The following TGM4 variants were observed in gnomAD, a reference collection of about 807,000 sequenced individuals.
TGM4 encodes protein-glutamine gamma-glutamyltransferase 4.
A neutral mutation model predicts 76.3 loss-of-function variants in TGM4; 61 were observed. The ratio of observed to expected loss-of-function variants is 0.80; its 90% confidence interval spans 0.65 to 0.99. TGM4 has a LOEUF of 0.99. Ranked by LOEUF, TGM4 falls within the 50% of genes least tolerant of loss-of-function variation. TGM4 has a pLI of 0.00. For synonymous variants in TGM4, 337 were observed against 329.8 expected, an observed-to-expected ratio of 1.02 and a Z score of -0.24; for missense variants, 794 against 843.2, an observed-to-expected ratio of 0.94 and a Z score of 0.72.
At position 44,895,415 on chromosome 3, in the gene TGM4, C is replaced by A. The variant is rs189395466; in HGVS notation, c.550-1294C>A. On this transcript the variant is annotated intron_variant, in intron 5 of 13. Coordinates refer to ENST00000296125, the MANE Select transcript of TGM4 (RefSeq NM_003241.4). ...GCCAAGGTGGGAGGATGGCTTGAGG[C>A]CAGGAGTTCAAGGCCAGCCTGGGCA... Among the ~76,000 whole-genome samples the A allele has an allele frequency of 4.6e-5, 7 of 152,258 alleles. 1 individual carries two copies. The East Asian group carries it at 7.7e-4, about 17-fold the overall frequency.
At chr3:44,875,892 G>T (rs960129150) in intron 1 of TGM4, among the ~76,000 whole-genome samples, 6 of 152,178 alleles carry the variant, frequency 3.9e-5, no homozygotes, top group Admixed American at 6.5e-5. Context: ...AGTCTTGGAG[G>T]GTACAGAGTC....
intron 1 of TGM4, among the ~76,000 whole-genome samples, chr3:44,881,588 C>T (rs1699533727): frequency 6.6e-6 from 1 of 152,172 alleles, no homozygotes. Flanking sequence ...CCAAGATCCT[C>T]TTAAGTGCGT....
chr3:44,907,040 G>C lies in TGM4; in HGVS notation c.1167G>C (p.Val389=). 1 of 1,614,188 alleles carries C rather than the reference G, an allele frequency of 6.2e-7. No individual in the cohort carries two copies. Among genetic ancestry groups the C allele is most frequent in the Admixed American group, 1.7e-5 (1 of 60,024 alleles). ...VYDTRFVFSE[V]NGDRLIWLVK... ...ACACCAGATTCGTCTTCTCAGAAGT[G>C]AATGGTGACAGGCTCATCTGGTTGG... Residue 389 remains valine (V), a synonymous_variant, in exon 10 of 14, where the codon GTG becomes GTC. Transcript: ENST00000296125.
At chr3:44,877,553 C>T (rs921237260) in intron 1 of TGM4, among the ~76,000 whole-genome samples, 7 of 151,572 alleles carry the variant, frequency 4.6e-5, no homozygotes, top group Admixed American at 1.3e-4. Context: ...GATTGCAACA[C>T]TGCACTTCAG....
At chr3:44,903,802 T>C (rs1575724851) in intron 8 of TGM4, 82 bp from the exon 9 acceptor site, 1 of 1,273,138 alleles carries the variant, frequency 7.9e-7, no homozygotes. Context: ...GTGATGAAGA[T>C]GTCTCTGGCA....
At chr3:44,898,326 C>T (rs1397818021) in intron 6 of TGM4, among the ~76,000 whole-genome samples, 2 of 151,282 alleles carry the variant, frequency 1.3e-5, no homozygotes, top group Non-Finnish European at 2.9e-5. Context: ...GGAATATTCC[C>T]ATAGCCTTTT....
At chr3:44,878,470 A>T (rs1375031311) in intron 1 of TGM4, among the ~76,000 whole-genome samples, 1 of 145,794 alleles carries the variant, frequency 6.9e-6, no homozygotes, top group South Asian at 2.2e-4. Context: ...TATTATTATT[A>T]TTATTATTAT....
intron 10 of TGM4, among the ~76,000 whole-genome samples, chr3:44,908,390 G>GT (rs1301805742): frequency 6.6e-5 from 10 of 150,620 alleles, no homozygotes; most frequent in Non-Finnish European, 1.2e-4. Flanking sequence ...TTTTGTTTTT[G>GT]TTTTTTTTGT....
At chr3:44,879,004 T>C (rs2125746212) in intron 1 of TGM4, among the ~76,000 whole-genome samples, 1 of 152,276 alleles carries the variant, frequency 6.6e-6, no homozygotes, top group African/African-American at 2.4e-5. Context: ...TTCTCTAGGT[T>C]GTATTATAGG....
intron 9 of TGM4, among the ~76,000 whole-genome samples, chr3:44,906,130 T>G (rs1326225855): frequency 6.6e-6 from 1 of 152,194 alleles, no homozygotes; most frequent in Non-Finnish European, 1.5e-5. Flanking sequence ...AGGAGACCAG[T>G]TCTCCTGAGT....
chr3:44,913,885 C>T lies in TGM4; in HGVS notation c.*160C>T, dbSNP rs1700043985. On this transcript the variant is annotated 3_prime_UTR_variant, in exon 14 of 14. Coordinates refer to ENST00000296125, the MANE Select transcript of TGM4 (RefSeq NM_003241.4). ...ACACAACCATAAGCAGCCAGACCCA[C>T]AAGGCCAGGTCCTGTGCTATCACAG... 1.1e-6 allele frequency: 1 copy of T among 945,806 alleles called. No homozygotes were observed. Among genetic ancestry groups the T allele is most frequent in the Non-Finnish European group, 1.6e-6 (1 of 641,136 alleles). The allele number at this position is 945,806 out of a possible 1,614,324, so 58.6% of individuals were successfully genotyped here.
chr3:44,896,588 TG>T (rs1699781162), intron 5 of TGM4, 120 bp from the exon 6 acceptor site: 2 of 825,470 alleles, frequency 2.4e-6, no homozygotes, highest in Non-Finnish European at 4.0e-6. Flanking sequence ...TTTATGAGAC[TG>T]TAGGCAGGGG....
chr3:44,875,405 T>C (rs1419150863), intron 1 of TGM4, among the ~76,000 whole-genome samples: 1 of 152,230 alleles, frequency 6.6e-6, no homozygotes, highest in Non-Finnish European at 1.5e-5. Context: ...CAAGGTCACC[T>C]GATGGATTTC....
chr3:44,907,305 CCTA>C, intron 10 of TGM4, 105 bp downstream of exon 10: 1 of 1,058,256 alleles, frequency 9.4e-7, no homozygotes, highest in South Asian at 2.2e-5. Flanking sequence ...AAACCCCATC[CCTA>C]CCAAAAAAAA....
At chr3:44,904,731 G>T (rs1228952444) in intron 9 of TGM4, among the ~76,000 whole-genome samples, 1 of 152,200 alleles carries the variant, frequency 6.6e-6, no homozygotes, top group Non-Finnish European at 1.5e-5. Context: ...GCCCAGGCTG[G>T]AGTGCAGTGG....
chr3:44,889,811 G>A (rs1462979226), intron 3 of TGM4, among the ~76,000 whole-genome samples: 1 of 152,024 alleles, frequency 6.6e-6, no homozygotes, highest in East Asian at 1.9e-4. Flanking sequence ...TGCTCCAAAA[G>A]ACAGCTGACA....
chr3:44,892,191 GAGGTTGT>G (rs1325840306), intron 4 of TGM4, among the ~76,000 whole-genome samples: 1 of 151,520 alleles, frequency 6.6e-6, no homozygotes, highest in Admixed American at 6.6e-5. Flanking sequence ...CTGGGAGGTG[GAGGTTGT>G]AGTGAGCTGA....
At chr3:44,902,524 C>T (rs111273469) in intron 8 of TGM4, among the ~76,000 whole-genome samples, 1 of 152,108 alleles carries the variant, frequency 6.6e-6, no homozygotes, top group African/African-American at 2.4e-5. Flanking sequence ...CACTTGAACC[C>T]GGGAGGCAGA....
chr3:44,903,361 G>A (rs1699879415), intron 8 of TGM4, among the ~76,000 whole-genome samples: 1 of 152,212 alleles, frequency 6.6e-6, no homozygotes, highest in African/African-American at 2.4e-5. Flanking sequence ...TGAGAATTCA[G>A]AGACTGGCCA....
Sources: allele counts gnomAD v4.1 joint callset (sites outside exome capture counted in the v4.1 genomes callset), GRCh38; gene constraint gnomAD v4.1.1; transcripts MANE v1.5; gene names NCBI Gene and HGNC (gene_info 2026-07-23, HGNC 2026-07-21).